The following TNKS2 variants were observed in gnomAD, a reference collection of about 807,000 sequenced individuals.
The protein encoded by TNKS2 is tankyrase 2, also known as poly [ADP-ribose] polymerase tankyrase-2.
Under a neutral mutation model 137.6 loss-of-function variants are expected in TNKS2, and 72 were observed. That is an observed-to-expected ratio of 0.52 (90% CI 0.43 to 0.64). The LOEUF (loss-of-function observed/expected upper bound fraction) is 0.64, where lower values mean the gene tolerates loss of function less well. TNKS2 is among the 30% of genes least tolerant of loss of function. TNKS2 has a pLI of 0.00. For missense variants in TNKS2, 1,049 were observed against 1,410.2 expected, an observed-to-expected ratio of 0.74 and a Z score of 4.10; for synonymous variants, 516 against 512.1, an observed-to-expected ratio of 1.01 and a Z score of -0.10.
chr10:91,848,181 G>A (rs937373580), intron 18 of TNKS2, among the ~76,000 whole-genome samples: 31 of 152,046 alleles, frequency 2.0e-4, no homozygotes, highest in African/African-American at 7.0e-4. Flanking sequence ...TGAGCTTCAC[G>A]TCAACATTTT....
intron 11 of TNKS2, among the ~76,000 whole-genome samples, chr10:91,832,338 G>A (rs1845275922): frequency 6.6e-6 from 1 of 152,100 alleles, no homozygotes; most frequent in Non-Finnish European, 1.5e-5. Context: ...TGACTAGGGT[G>A]ACCAACCATT....
Position 91,817,160 on chromosome 10 carries a change from A to G in TNKS2, c.451A>G (p.Thr151Ala), listed in dbSNP as rs540598111. ...IVLLQHGAEPTIRNTDGRTAL... is the reference protein window; with the variant it reads ...IVLLQHGAEPAIRNTDGRTAL... ...GCTGTTACAGCATGGAGCTGAGCCA[A>G]CCATCCGAAATACAGATGGAAGGAC... The change falls in exon 3 of 27, where the codon ACC (threonine) becomes GCC (alanine). Residue 151 changes from threonine (T) to alanine (A), a missense_variant. Coordinates refer to ENST00000371627, the MANE Select transcript of TNKS2 (RefSeq NM_025235.4). The G allele has an allele frequency of 5.6e-6, 9 of 1,613,738 alleles. No homozygotes were observed. Among genetic ancestry groups the G allele is most frequent in the Non-Finnish European group, 7.6e-6 (9 of 1,179,842 alleles).
chr10:91,853,445 C>CT (rs902206632), intron 21 of TNKS2, among the ~76,000 whole-genome samples: 5 of 152,122 alleles, frequency 3.3e-5, no homozygotes, highest in African/African-American at 7.2e-5. Context: ...AGCCAATACT[C>CT]TTTTTTTCCC....
chr10:91,829,625 T>C (rs1036911439), intron 9 of TNKS2, among the ~76,000 whole-genome samples: 5 of 152,170 alleles, frequency 3.3e-5, no homozygotes, highest in Non-Finnish European at 7.4e-5. Flanking sequence ...TCATGATAGG[T>C]GTCCTGGGAT....
At chr10:91,813,855 GC>G (rs1844586670) in intron 2 of TNKS2, among the ~76,000 whole-genome samples, 1 of 152,110 alleles carries the variant, frequency 6.6e-6, no homozygotes, top group Non-Finnish European at 1.5e-5. Flanking sequence ...TAACTTCATA[GC>G]ACGAGGCATT....
intron 8 of TNKS2, 26 bp downstream of exon 8, chr10:91,827,229 G>A (rs1845097109): frequency 6.9e-7 from 1 of 1,453,312 alleles, no homozygotes. Context: ...TGAATGTTCA[G>A]GTAGGATATT....
intron 2 of TNKS2, among the ~76,000 whole-genome samples, chr10:91,814,955 TGTAAA>T: frequency 1.3e-5 from 2 of 152,348 alleles, no homozygotes; most frequent in South Asian, 4.1e-4. Context: ...GTTAGGAAAC[TGTAAA>T]GTAACCCAGG....
At chr10:91,833,009 C>G (rs895865766) in intron 11 of TNKS2, among the ~76,000 whole-genome samples, 4 of 152,142 alleles carry the variant, frequency 2.6e-5, no homozygotes, top group Admixed American at 2.6e-4. Context: ...CTAAATACTT[C>G]CACATGCACA....
At chr10:91,841,512 ATAAT>A (rs1299907201) in intron 15 of TNKS2, 64 bp downstream of exon 15, 1 of 1,332,396 alleles carries the variant, frequency 7.5e-7, no homozygotes, top group African/African-American at 1.5e-5. Context: ...GGTTTTCTAA[ATAAT>A]TCTAGTATAA....
At chr10:91,837,978 G>A (rs1842081220) in intron 13 of TNKS2, among the ~76,000 whole-genome samples, 1 of 143,790 alleles carries the variant, frequency 7.0e-6, no homozygotes, top group Non-Finnish European at 1.5e-5. Context: ...CAGTTAAAAG[G>A]TTGTGAACTG....
rs1842894832 is a variant in TNKS2 at position 91,863,104 on chromosome 10, C to T, written c.*105C>T. On this transcript the variant is annotated 3_prime_UTR_variant, in exon 27 of 27. Coordinates refer to ENST00000371627, the MANE Select transcript of TNKS2 (RefSeq NM_025235.4). ...GAAAAAAAATCATCTTGCCCACAGGCCTGTGGCAAAAGGATAAAAATGTGA... is the reference window on the plus strand; with the variant it reads ...GAAAAAAAATCATCTTGCCCACAGGTCTGTGGCAAAAGGATAAAAATGTGA... The T allele has an allele frequency of 2.7e-6, 2 of 731,158 alleles. No homozygotes were observed. Among genetic ancestry groups the T allele is most frequent in the Non-Finnish European group, 4.6e-6 (2 of 438,588 alleles). 45.3% of individuals were successfully genotyped at this position (731,158 alleles called of 1,614,324 possible). A position where few individuals can be genotyped will look rare whatever the true frequency, so the allele number is the denominator to read the frequency against.
At chr10:91,818,070 T>G (rs1273628968) in intron 3 of TNKS2, among the ~76,000 whole-genome samples, 1 of 152,264 alleles carries the variant, frequency 6.6e-6, no homozygotes, top group Non-Finnish European at 1.5e-5. Flanking sequence ...AAAAGACTTC[T>G]AGAAGTGTGC....
intron 13 of TNKS2, 68 bp from the exon 14 acceptor site, chr10:91,840,493 A>G: frequency 1.4e-6 from 2 of 1,412,842 alleles, no homozygotes; most frequent in Non-Finnish European, 1.9e-6. Context: ...AATTCCTACT[A>G]AATGACTTGA....
Position 91,828,393 on chromosome 10 carries a change from A to T in TNKS2, c.1091A>T (p.His364Leu). ...GTGAATTTCAAGCATCCTCAAACAC[A>T]TGAAACAGCATTGGTAATGTTTCAG... ...EMVNFKHPQT[H>L]ETALHCAAAS... The change falls in exon 9 of 27, where the codon CAT (histidine) becomes CTT (leucine). Residue 364 changes from histidine (H) to leucine (L), a missense_variant. Around this residue, in one of 6 missense-constraint regions of TNKS2, gnomAD observed 374 missense variants for 460.8 expected, o/e 0.81. Transcript: ENST00000371627. The T allele has an allele frequency of 3.8e-6, 6 of 1,587,170 alleles. No individual in the cohort carries two copies. The highest frequency in any genetic ancestry group is 5.1e-6 in the Non-Finnish European group (6 of 1,170,024).
At chr10:91,846,956 G>A (rs527980076) in intron 18 of TNKS2, among the ~76,000 whole-genome samples, 3 of 152,168 alleles carry the variant, frequency 2.0e-5, no homozygotes, top group Admixed American at 1.3e-4. Context: ...CCAGCTGCAC[G>A]ATTTAAGTTG....
intron 12 of TNKS2, chr10:91,836,661 T>C (rs1316577517): frequency 1.0e-6 from 1 of 985,304 alleles, no homozygotes; most frequent in African/African-American, 1.7e-5. Flanking sequence ...TTTATGTTCC[T>C]TTATATTGCT....
chr10:91,846,326 C>T (rs1027196382), intron 18 of TNKS2, among the ~76,000 whole-genome samples: 1 of 152,214 alleles, frequency 6.6e-6, no homozygotes, highest in African/African-American at 2.4e-5. Flanking sequence ...ACATTGCCCC[C>T]CAAGGTGCAG....
chr10:91,819,292 C>G lies in TNKS2; in HGVS notation c.543C>G (p.Leu181=), dbSNP rs532712362. 4 of 1,446,104 alleles carry G rather than the reference C, an allele frequency of 2.8e-6. No homozygotes were observed. In the South Asian group the frequency reaches 5.9e-5, roughly 21 times the overall value. 89.6% of individuals were successfully genotyped at this position (1,446,104 alleles called of 1,614,324 possible). The change falls in exon 4 of 27, where the codon CTC becomes CTG. Residue 181 remains leucine, a synonymous_variant. Transcript: ENST00000371627. ...VLTGEYKKDE[L]LESARSGNEE... ...CAGGTGAATATAAGAAAGATGAACT[C>G]TTAGAAAGTGCCAGGTACGTACTAA... is the stretch of plus-strand genomic sequence containing the variant.
chr10:91,854,993 C>T, intron 21 of TNKS2, 36 bp from the exon 22 acceptor site: 1 of 1,154,238 alleles, frequency 8.7e-7, no homozygotes, highest in Non-Finnish European at 1.3e-6. Flanking sequence ...TGTTTATTGG[C>T]AATTTATTTT....
Sources: gnomAD v4.1 joint callset for allele counts (sites outside exome capture counted in the v4.1 genomes callset) on GRCh38, gnomAD v4.1.1 for gene constraint, gnomAD v4.1.1 regional missense constraint, MANE v1.5 for transcripts, NCBI Gene and HGNC (gene_info 2026-07-23, HGNC 2026-07-21) for gene names.